SNX25: variants seen among roughly 807,000 people sequenced by gnomAD.
SNX25 encodes sorting nexin 25, also known as sorting nexin-25.
SNX25 carries 62 observed loss-of-function variants against 113.7 expected under a neutral mutation model. The ratio of observed to expected loss-of-function variants is 0.55; its 90% confidence interval spans 0.44 to 0.67. SNX25 has a LOEUF of 0.67. SNX25 is among the 30% of genes least tolerant of loss of function. The pLI is 0.00. For missense variants in SNX25, 1,014 were observed against 1,161.0 expected, an observed-to-expected ratio of 0.87 and a Z score of 1.84; for synonymous variants, 421 against 436.2, an observed-to-expected ratio of 0.97 and a Z score of 0.43.
intron 6 of SNX25, among the ~76,000 whole-genome samples, chr4:185,304,625 G>A (rs1457852604): frequency 2.0e-5 from 3 of 152,102 alleles, no homozygotes; most frequent in Admixed American, 6.5e-5. Flanking sequence ...CCAAAGTGCT[G>A]GAATTACAGG....
intron 7 of SNX25, among the ~76,000 whole-genome samples, chr4:185,314,747 A>G (rs2095057454): frequency 6.6e-6 from 1 of 151,082 alleles, no homozygotes; most frequent in African/African-American, 2.4e-5. Context: ...AATCCCAGGT[A>G]CTCGGGAGGC....
intron 6 of SNX25, among the ~76,000 whole-genome samples, chr4:185,309,262 C>T (rs1357525111): frequency 1.3e-5 from 2 of 152,184 alleles, no homozygotes; most frequent in African/African-American, 4.8e-5. Context: ...GAGCCACTTA[C>T]ATAGTGACCC....
rs1047122502 is a variant in SNX25 at position 185,211,400 on chromosome 4, A to G, written c.429+1145A>G. Among the ~76,000 whole-genome samples, 6 of 152,150 alleles carry G rather than the reference A, an allele frequency of 3.9e-5. 1 individual carries two copies. Among genetic ancestry groups the G allele is most frequent in the African/African-American group, 1.4e-4 (6 of 41,414 alleles). The stretch of plus-strand genomic sequence containing the variant: ...TTAGTAAAGTTGGTTTCTCTTACAA[A>G]ATCTCCACTTAGCCATCCGTTTTTC... On this transcript the variant is annotated intron_variant, in intron 1 of 18. Coordinates refer to ENST00000652585, the MANE Select transcript of SNX25 (RefSeq NM_001378034.2).
chr4:185,326,695 T>C (rs2095159544), intron 9 of SNX25, among the ~76,000 whole-genome samples: 1 of 152,244 alleles, frequency 6.6e-6, no homozygotes. Flanking sequence ...CAATTCTTCC[T>C]ATATGATTTT....
chr4:185,240,562 G>A (rs1335409854), intron 1 of SNX25, among the ~76,000 whole-genome samples: 4 of 149,788 alleles, frequency 2.7e-5, no homozygotes, highest in Non-Finnish European at 4.5e-5. Context: ...GCGGCTGGCC[G>A]GGCAGAGGGG....
At chr4:185,280,316 A>G (rs1157977362) in intron 5 of SNX25, among the ~76,000 whole-genome samples, 3 of 152,244 alleles carry the variant, frequency 2.0e-5, no homozygotes, top group South Asian at 2.1e-4. Context: ...GTGGAATACC[A>G]TATATTGGTA....
At chr4:185,368,274 C>T (rs1306533779), downstream of SNX25, among the ~76,000 whole-genome samples, 1 of 152,220 alleles carries the variant, frequency 6.6e-6, no homozygotes, top group Non-Finnish European at 1.5e-5. Context: ...ATGCTGGTTT[C>T]ACAGAAACCT....
At position 185,210,255 on chromosome 4, in the gene SNX25, G is replaced by GTTAC. The variant is rs1737524122; in HGVS notation, c.429_429+1insTTAC (p.Ser144LeufsTer10). ...CCTCAGCCGCCCGCCGCCCGCCGGG[G>GTTAC]GTAAGTACCCGACTCCTGGCCGCCC... On this transcript the variant is annotated frameshift_variant and splice_region_variant. Transcript: ENST00000652585. LOFTEE classifies it high-confidence loss of function. The surrounding 1 kb of genome is among the most constrained non-coding windows in gnomAD (Gnocchi z 4.4). 1 of 984,862 alleles carries GTTAC rather than the reference G, an allele frequency of 1.0e-6. No individual in the cohort carries two copies. The highest frequency in any genetic ancestry group is 6.2e-5 in the Admixed American group (1 of 16,162). 61.0% of individuals were successfully genotyped at this position (984,862 alleles called of 1,614,324 possible).
At chr4:185,365,609 C>A (rs1352535833), downstream of SNX25, 2 of 151,134 alleles carry the variant, frequency 1.3e-5, no homozygotes, top group Non-Finnish European at 2.9e-5. Flanking sequence ...CCGCCTCAGC[C>A]TCCCAAAGTG....
chr4:185,228,710 T>C (rs932224803), intron 1 of SNX25, among the ~76,000 whole-genome samples: 1 of 152,034 alleles, frequency 6.6e-6, no homozygotes, highest in Non-Finnish European at 1.5e-5. Context: ...CTGTACAGGG[T>C]AATTTTAAGA....
At chr4:185,346,673 A>C (rs1274173411) in intron 13 of SNX25, 23 bp downstream of exon 13, 1 of 1,451,946 alleles carries the variant, frequency 6.9e-7, no homozygotes, top group African/African-American at 1.5e-5. Context: ...AAAATGTGGG[A>C]TATGAGAGAA....
At chr4:185,293,085 C>T (rs1181329820) in intron 6 of SNX25, among the ~76,000 whole-genome samples, 1 of 152,090 alleles carries the variant, frequency 6.6e-6, no homozygotes, top group Non-Finnish European at 1.5e-5. Context: ...GAGCAATAAC[C>T]CAGTTGAAAC....
At chr4:185,292,105 A>T (rs1287975168) in intron 6 of SNX25, among the ~76,000 whole-genome samples, 1 of 152,074 alleles carries the variant, frequency 6.6e-6, no homozygotes, top group Non-Finnish European at 1.5e-5. Flanking sequence ...CTCTTTTAAG[A>T]CTATAATAGG....
intron 5 of SNX25, among the ~76,000 whole-genome samples, chr4:185,285,903 G>A (rs1288533): frequency 0.031 from 4,757 of 151,818 alleles, 244 homozygotes; most frequent in African/African-American, 0.11. Context: ...CTCCCAAGTA[G>A]CTGGTACTAC....
intron 1 of SNX25, among the ~76,000 whole-genome samples, chr4:185,241,793 C>G (rs1485518270): frequency 2.0e-5 from 3 of 152,224 alleles, no homozygotes; most frequent in African/African-American, 7.2e-5. Context: ...TTTCCTAAAA[C>G]AGGCATTTTA....
intron 14 of SNX25, among the ~76,000 whole-genome samples, chr4:185,352,344 T>C (rs2126743712): frequency 6.6e-6 from 1 of 152,248 alleles, no homozygotes. Context: ...AGAGGTGGCT[T>C]CGAGTTTGGA....
At chr4:185,240,216 T>C (rs894119463) in intron 1 of SNX25, among the ~76,000 whole-genome samples, 46 of 152,218 alleles carry the variant, frequency 3.0e-4, no homozygotes, top group African/African-American at 8.9e-4. Flanking sequence ...TTTCCCCACC[T>C]TTCCCCCCTT....
At chr4:185,258,299 G>T (rs1281346112) in intron 2 of SNX25, among the ~76,000 whole-genome samples, 1 of 152,174 alleles carries the variant, frequency 6.6e-6, no homozygotes, top group Non-Finnish European at 1.5e-5. Context: ...ACACCATCGG[G>T]TGCCATGCCT....
At chr4:185,223,409 C>T (rs1740311242) in intron 1 of SNX25, among the ~76,000 whole-genome samples, 1 of 152,188 alleles carries the variant, frequency 6.6e-6, no homozygotes, top group Non-Finnish European at 1.5e-5. Flanking sequence ...ACATGCTCCT[C>T]TGTGTGCTCT....
Sources: allele counts gnomAD v4.1 joint callset (sites outside exome capture counted in the v4.1 genomes callset), GRCh38; gene constraint gnomAD v4.1.1; non-coding constraint Gnocchi (gnomAD v3.1); transcripts MANE v1.5; gene names NCBI Gene and HGNC (gene_info 2026-07-23, HGNC 2026-07-21).